The following DGKB variants were observed in gnomAD, a reference collection of about 807,000 sequenced individuals.
DGKB encodes 90 kDa diacylglycerol kinase.
DGKB carries 67 observed loss-of-function variants against 114.3 expected under a neutral mutation model. The ratio of observed to expected loss-of-function variants is 0.59; its 90% CI spans 0.48 to 0.72. DGKB has a LOEUF of 0.72. Among genes scored for constraint, DGKB ranks in the 30% least tolerant of loss-of-function variants. DGKB has a pLI of 0.00. For synonymous variants in DGKB, 398 were observed against 323.1 expected, an observed-to-expected ratio of 1.23 and a Z score of -2.49; for missense variants, 907 against 975.2, an observed-to-expected ratio of 0.93 and a Z score of 0.93.
chr7:14,370,558 C>G (rs561889103), intron 21 of DGKB, among the ~76,000 whole-genome samples: 85 of 152,284 alleles, frequency 5.6e-4, no homozygotes, highest in Non-Finnish European at 4.4e-5. Flanking sequence ...TATCCGTGAG[C>G]ATGGAATGTT....
intron 19 of DGKB, among the ~76,000 whole-genome samples, chr7:14,576,720 G>C (rs1402869367): frequency 6.6e-6 from 1 of 152,124 alleles, no homozygotes; most frequent in East Asian, 1.9e-4. Context: ...AACCGGGAGA[G>C]AACATGATAG....
intron 2 of DGKB, among the ~76,000 whole-genome samples, chr7:14,828,697 A>G (rs1157382881): frequency 6.6e-6 from 1 of 152,092 alleles, no homozygotes; most frequent in African/African-American, 2.4e-5. Flanking sequence ...ATCTTGCAAT[A>G]CTCTGAGAAA....
intron 21 of DGKB, among the ~76,000 whole-genome samples, chr7:14,454,279 T>G (rs1831955735): frequency 6.6e-6 from 1 of 152,142 alleles, no homozygotes; most frequent in African/African-American, 2.4e-5. Context: ...ATTGATCCAC[T>G]TCTAATTTGA....
chr7:14,588,866 C>T (rs1801213098), intron 17 of DGKB, among the ~76,000 whole-genome samples: 1 of 151,942 alleles, frequency 6.6e-6, no homozygotes, highest in Admixed American at 6.6e-5. Context: ...ATTATTTCTT[C>T]TTTTTTTCAT....
At chr7:14,220,635 T>C (rs78507283) in intron 23 of DGKB, among the ~76,000 whole-genome samples, 9,140 of 151,578 alleles carry the variant, frequency 0.06, 907 homozygotes, top group African/African-American at 0.21. Context: ...AATTTTAGAA[T>C]CACCTTGTTG....
At chr7:14,253,249 G>T (rs1795495974) in intron 23 of DGKB, among the ~76,000 whole-genome samples, 1 of 151,978 alleles carries the variant, frequency 6.6e-6, no homozygotes, top group Non-Finnish European at 1.5e-5. Context: ...TGGCCAGGCT[G>T]GTCTCGAACT....
chr7:14,225,621 A>C (rs988041450), intron 23 of DGKB, among the ~76,000 whole-genome samples: 7 of 152,054 alleles, frequency 4.6e-5, no homozygotes, highest in African/African-American at 1.7e-4. Context: ...AATAATTCTT[A>C]TATATAGATA....
chr7:14,809,540 C>G (rs1017612267), intron 2 of DGKB, among the ~76,000 whole-genome samples: 17 of 151,968 alleles, frequency 1.1e-4, no homozygotes, highest in African/African-American at 3.9e-4. Flanking sequence ...AGGGCTTTTC[C>G]AAGAGACATG....
chr7:14,531,308 A>G (rs907850719), intron 20 of DGKB, among the ~76,000 whole-genome samples: 1 of 151,494 alleles, frequency 6.6e-6, no homozygotes, highest in Non-Finnish European at 1.5e-5. Context: ...GAATATTCCA[A>G]TTTTAGAGCC....
intron 11 of DGKB, 28 bp downstream of exon 11, chr7:14,682,725 C>T: frequency 6.2e-7 from 1 of 1,609,708 alleles, no homozygotes; most frequent in Non-Finnish European, 8.5e-7. Context: ...TGGCCACCTT[C>T]AGAAAGCAAG....
At chr7:14,767,384 C>T (rs1836620669) in intron 2 of DGKB, among the ~76,000 whole-genome samples, 1 of 151,690 alleles carries the variant, frequency 6.6e-6, no homozygotes, top group Admixed American at 6.6e-5. Flanking sequence ...GTCATGACAT[C>T]ATTACTATTG....
At chr7:14,869,233 G>C (rs1400808037) in intron 1 of DGKB, among the ~76,000 whole-genome samples, 1 of 152,070 alleles carries the variant, frequency 6.6e-6, no homozygotes, top group Non-Finnish European at 1.5e-5. Flanking sequence ...ATCTATTGCA[G>C]TTCTTAGAAA....
At chr7:14,727,348 C>T (rs1443432951) in intron 5 of DGKB, among the ~76,000 whole-genome samples, 1 of 151,986 alleles carries the variant, frequency 6.6e-6, no homozygotes, top group Non-Finnish European at 1.5e-5. Flanking sequence ...CCCTTACTGG[C>T]AGTAATTATG....
Position 14,736,056 on chromosome 7 carries a change from C to T in DGKB, c.307G>A (p.Ala103Thr). 2 of 1,600,014 alleles carry T rather than the reference C, an allele frequency of 1.2e-6. No homozygotes were observed. The highest frequency in any genetic ancestry group is 1.1e-5 in the South Asian group (1 of 87,994). ...HSSPMVKSKP[A>T]LLSGGLRMNK... Reference sequence around the variant, plus strand: ...GTAAACTTACCGCCTGATAGGAGAGCAGGCTTACTTTTTACCATTGGACTA... The same window carrying T: ...GTAAACTTACCGCCTGATAGGAGAGTAGGCTTACTTTTTACCATTGGACTA... The change falls in exon 5 of 26, where the codon GCT becomes ACT. Residue 103 changes from alanine (A) to threonine (T), a missense_variant. Coordinates refer to ENST00000402815, the MANE Select transcript of DGKB (RefSeq NM_001350709.2).
intron 25 of DGKB, among the ~76,000 whole-genome samples, chr7:14,159,240 T>G (rs775494118): frequency 6.6e-6 from 1 of 152,104 alleles, no homozygotes; most frequent in Non-Finnish European, 1.5e-5. Context: ...ACACACCAGG[T>G]TCCTTCCCAC....
chr7:14,217,455 A>T (rs1204170604), intron 23 of DGKB, among the ~76,000 whole-genome samples: 1 of 152,086 alleles, frequency 6.6e-6, no homozygotes, highest in Non-Finnish European at 1.5e-5. Flanking sequence ...TAAAGAAAAA[A>T]ATCATCACAA....
chr7:14,254,462 A>G (rs1795676389), intron 23 of DGKB, among the ~76,000 whole-genome samples: 1 of 152,232 alleles, frequency 6.6e-6, no homozygotes, highest in African/African-American at 2.4e-5. Context: ...ATATAGAATC[A>G]GATGATTGCA....
At chr7:14,189,515 T>C (rs1784000365) in intron 23 of DGKB, among the ~76,000 whole-genome samples, 2 of 151,912 alleles carry the variant, frequency 1.3e-5, no homozygotes, top group Non-Finnish European at 2.9e-5. Context: ...ATCTACAAGA[T>C]AAGGAAAAAA....
chr7:14,716,290 C>T (rs1261454684), intron 6 of DGKB, among the ~76,000 whole-genome samples: 2 of 152,150 alleles, frequency 1.3e-5, no homozygotes, highest in African/African-American at 4.8e-5. Context: ...CAGATCCCAC[C>T]CCAGGCCAGC....
Sources: allele counts gnomAD v4.1 joint callset (sites outside exome capture counted in the v4.1 genomes callset), GRCh38; gene constraint gnomAD v4.1.1; transcripts MANE v1.5; gene names NCBI Gene and HGNC (gene_info 2026-07-23, HGNC 2026-07-21).